The following INTU variants were observed in gnomAD, a reference collection of about 807,000 sequenced individuals.
The protein encoded by INTU is inturned planar cell polarity protein.
Under a neutral mutation model 100.5 loss-of-function variants are expected in INTU, and 68 were observed. The ratio of observed to expected loss-of-function variants is 0.68; its 90% CI spans 0.56 to 0.83. The LOEUF (loss-of-function observed/expected upper bound fraction) is 0.83, where lower values mean the gene tolerates loss of function less well. Ranked by LOEUF, INTU falls within the 40% of genes least tolerant of loss-of-function variation. INTU has a pLI of 0.00. For missense variants in INTU, 1,071 were observed against 1,114.7 expected (o/e 0.96, Z 0.56); for synonymous variants, 357 against 395.7 (o/e 0.90, Z 1.16).
intron 5 of INTU, among the ~76,000 whole-genome samples, chr4:127,670,423 G>A (rs887366349): frequency 1.3e-5 from 2 of 151,782 alleles, no homozygotes; most frequent in Admixed American, 6.6e-5. Context: ...TTAACTATGT[G>A]ACTTTAATAT....
Position 127,720,837 on chromosome 4 carries a change from C to CA in INTU, c.*4402dup, listed in dbSNP as rs1209090250. 6.6e-6 allele frequency: 1 copy of CA among 151,986 alleles called. No individual in the cohort carries two copies. The highest frequency in any genetic ancestry group is 1.9e-4 in the East Asian group (1 of 5,186). 9.4% of individuals were successfully genotyped at this position (151,986 alleles called of 1,614,324 possible). A position where few individuals can be genotyped will look rare whatever the true frequency, so the allele number is the denominator to read the frequency against. Reference sequence around the variant, plus strand: ...TCCTTTTGCTTGGTAGATTTTCCTTCATCCTTTTATTTTGAGTCTATGTGT... The same window carrying CA: ...TCCTTTTGCTTGGTAGATTTTCCTTCAATCCTTTTATTTTGAGTCTATGTGT... On this transcript the variant is annotated 3_prime_UTR_variant, in exon 16 of 16. Transcript: ENST00000335251.
intron 4 of INTU, among the ~76,000 whole-genome samples, chr4:127,665,511 C>T (rs1728658795): frequency 1.3e-5 from 2 of 151,920 alleles, no homozygotes; most frequent in African/African-American, 4.8e-5. Context: ...TTACCTCTTC[C>T]TGAAAGGTAG....
At chr4:127,644,833 G>C (rs1727501702) in intron 2 of INTU, among the ~76,000 whole-genome samples, 1 of 152,214 alleles carries the variant, frequency 6.6e-6, no homozygotes, top group Admixed American at 6.5e-5. Context: ...AGGTTTAAAT[G>C]AAGAACATTT....
chr4:127,717,441 A>G lies in INTU; in HGVS notation c.*1005A>G, dbSNP rs188780868. On this transcript the variant is annotated 3_prime_UTR_variant, in exon 16 of 16. Coordinates refer to ENST00000335251, the MANE Select transcript of INTU (RefSeq NM_015693.4). ...CTTTGCTATTGTAAATAGTGCTTCA[A>G]TGAACATATGTGTGCATATATATTT... 5.3e-5 allele frequency: 8 copies of G among 152,212 alleles called. No homozygotes were observed. Among genetic ancestry groups the G allele is most frequent in the African/African-American group, 1.2e-4 (5 of 41,452 alleles). 9.4% of individuals were successfully genotyped at this position (152,212 alleles called of 1,614,324 possible).
At chr4:127,658,183 TG>T (rs1326511073) in intron 3 of INTU, among the ~76,000 whole-genome samples, 1 of 152,240 alleles carries the variant, frequency 6.6e-6, no homozygotes, top group African/African-American at 2.4e-5. Flanking sequence ...AAACATACTT[TG>T]TATGCACATG....
intron 10 of INTU, 44 bp downstream of exon 10, chr4:127,704,334 G>T (rs747178115): frequency 1.4e-6 from 2 of 1,421,154 alleles, no homozygotes; most frequent in South Asian, 2.5e-5. Flanking sequence ...GCTGTATAAA[G>T]AGAACTAAAT....
chr4:127,674,328 A>C (rs763686576), intron 6 of INTU, 115 bp downstream of exon 6: 32 of 764,130 alleles, frequency 4.2e-5, no homozygotes, highest in Non-Finnish European at 6.5e-5. Flanking sequence ...TTTACAGTTT[A>C]AAGATCTATT....
intron 8 of INTU, among the ~76,000 whole-genome samples, chr4:127,697,529 T>G (rs1159626857): frequency 6.6e-6 from 1 of 152,154 alleles, no homozygotes; most frequent in East Asian, 1.9e-4. Flanking sequence ...ATCAGCTTTT[T>G]TAGGTTCCAC....
At chr4:127,679,568 A>G (rs1054515410) in intron 6 of INTU, among the ~76,000 whole-genome samples, 4 of 152,238 alleles carry the variant, frequency 2.6e-5, no homozygotes, top group Admixed American at 6.5e-5. Flanking sequence ...GAACAAAGAC[A>G]CAACATACCA....
At chr4:127,650,059 A>T in intron 2 of INTU, among the ~76,000 whole-genome samples, 1 of 152,206 alleles carries the variant, frequency 6.6e-6, no homozygotes, top group African/African-American at 2.4e-5. Context: ...AATTTTTACC[A>T]AACATGCAGT....
At chr4:127,705,456 A>G (rs1441169348) in intron 10 of INTU, 135 bp from the exon 11 acceptor site, 3 of 684,568 alleles carry the variant, frequency 4.4e-6, no homozygotes, top group Admixed American at 2.7e-5. Flanking sequence ...TACTTTTACT[A>G]TATCTTCATT....
At chr4:127,653,470 T>G (rs1470808930) in intron 2 of INTU, among the ~76,000 whole-genome samples, 1 of 150,916 alleles carries the variant, frequency 6.6e-6, no homozygotes, top group African/African-American at 2.4e-5. Context: ...TGCCTTCATT[T>G]CGTTATGTAT....
intron 2 of INTU, among the ~76,000 whole-genome samples, chr4:127,654,562 C>T (rs939545787): frequency 6.6e-6 from 1 of 152,204 alleles, no homozygotes; most frequent in Non-Finnish European, 1.5e-5. Flanking sequence ...CCACTCTCTT[C>T]TGGCTCGTAG....
chr4:127,686,631 C>G (rs1364529646), intron 7 of INTU: 1 of 152,180 alleles, frequency 6.6e-6, no homozygotes, highest in Non-Finnish European at 1.5e-5. Flanking sequence ...AGATTCTTCT[C>G]CAACCATTCA....
chr4:127,708,649 G>A lies in INTU; in HGVS notation c.2350G>A (p.Glu784Lys). Residue 784 changes from glutamate (E) to lysine (K), a missense_variant, in exon 13 of 16, where the codon GAA becomes AAA. Coordinates refer to ENST00000335251, the MANE Select transcript of INTU (RefSeq NM_015693.4). The part of the protein sequence containing the change: ...LKKDLPEKEL[E>K]IYNTVKLTSG... ...AAAGGACCTTCCAGAAAAAGAATTA[G>A]AAATATATAACACAGTGAAGTAAGA... 2 of 1,567,782 alleles carry A rather than the reference G, an allele frequency of 1.3e-6. No individual in the cohort carries two copies. The highest frequency in any genetic ancestry group is 2.7e-5 in the African/African-American group (2 of 73,914).
chr4:127,635,891 G>T (rs1311891860), intron 1 of INTU, among the ~76,000 whole-genome samples: 2 of 152,100 alleles, frequency 1.3e-5, no homozygotes, highest in African/African-American at 4.8e-5. Flanking sequence ...ATGGAATTGT[G>T]CAGTATGAAT....
chr4:127,641,863 T>C (rs908152724), intron 1 of INTU, among the ~76,000 whole-genome samples: 73 of 152,172 alleles, frequency 4.8e-4, no homozygotes, highest in African/African-American at 1.5e-3. Flanking sequence ...CAAAAGTGAT[T>C]TCACATTCAA....
chr4:127,673,825 G>A (rs1729045800), intron 5 of INTU, among the ~76,000 whole-genome samples: 1 of 151,746 alleles, frequency 6.6e-6, no homozygotes, highest in African/African-American at 2.4e-5. Context: ...TCAAACTCCT[G>A]ACCTCAAGAG....
chr4:127,702,438 A>G (rs1730690232), intron 9 of INTU, among the ~76,000 whole-genome samples: 1 of 152,216 alleles, frequency 6.6e-6, no homozygotes, highest in Non-Finnish European at 1.5e-5. Flanking sequence ...AACAACTCAA[A>G]TAACTTAACT....
Sources: gnomAD v4.1 joint callset for allele counts (sites outside exome capture counted in the v4.1 genomes callset) on GRCh38, gnomAD v4.1.1 for gene constraint, MANE v1.5 for transcripts, NCBI Gene and HGNC (gene_info 2026-07-23, HGNC 2026-07-21) for gene names.